Variants in GAGE13 observed in about 807,000 individuals in gnomAD.
The protein encoded by GAGE13 is G antigen 13.
At position 49,335,053 on chromosome X, in the gene GAGE13, A is replaced by T. The variant is rs1383200162; in HGVS notation, c.206-1194A>T. Among the ~76,000 whole-genome samples, 3 of 80,506 alleles carry T rather than the reference A, an allele frequency of 3.7e-5. No individual in the cohort carries two copies. In the East Asian group the frequency reaches 1.2e-3, roughly 31 times the overall value. The allele number at this position is 80,506 out of a possible 115,157, so 69.9% of individuals were successfully genotyped here. ...AGTACAATGAACTCATATACTGTTCATCTGGATTCACCAATTGTTAATAGC... is the reference window on the plus strand; with the variant it reads ...AGTACAATGAACTCATATACTGTTCTTCTGGATTCACCAATTGTTAATAGC... On this transcript the variant is annotated intron_variant, in intron 3 of 4. Transcript: ENST00000612958.
chrX:49,333,077 C>T (rs3971993), intron 2 of GAGE13, among the ~76,000 whole-genome samples: 731 of 72,881 alleles, frequency 0.01, 150 homozygotes, highest in Non-Finnish European at 0.016. Context: ...ACACAGAGTA[C>T]AATAGCCTCC....
intron 3 of GAGE13, among the ~76,000 whole-genome samples, chrX:49,334,907 A>AT (rs1274829955): frequency 2.6e-5 from 2 of 76,166 alleles, no homozygotes; most frequent in African/African-American, 3.9e-5. Context: ...GGATATCTGT[A>AT]TTTTTTACCA....
chrX:49,334,953 A>G (rs1251151845), intron 3 of GAGE13, among the ~76,000 whole-genome samples: 1 of 81,158 alleles, frequency 1.2e-5, no homozygotes, highest in East Asian at 3.6e-4. Flanking sequence ...AGTTCAGTGC[A>G]GTTATCATGT....
Position 49,335,523 on chromosome X carries a change from C to T in GAGE13, c.206-724C>T, listed in dbSNP as rs1287213519. 4.9e-5 allele frequency among the ~76,000 whole-genome samples: 5 copies of T among 102,990 alleles called. No homozygotes were observed. In the East Asian group the frequency reaches 9.3e-4, roughly 19 times the overall value. The allele number at this position is 102,990 out of a possible 115,157, so 89.4% of individuals were successfully genotyped here. A position where few individuals can be genotyped will look rare whatever the true frequency, so the allele number is the denominator to read the frequency against. On this transcript the variant is annotated intron_variant, in intron 3 of 4. Coordinates refer to ENST00000612958, the MANE Select transcript of GAGE13 (RefSeq NM_001098412.4). ...TAGGGATTCTCATGCCTCAGCCTCC[C>T]GTGTAGCTGGGACTACAGGCGCCGG...
intron 3 of GAGE13, among the ~76,000 whole-genome samples, chrX:49,335,301 A>G (rs1271795201): frequency 8.3e-4 from 87 of 105,449 alleles, no homozygotes; most frequent in African/African-American, 2.7e-3. Flanking sequence ...TCACTGCACA[A>G]AGATGAAAAT....
chrX:49,331,996 T>A (rs1220774321), intron 1 of GAGE13, among the ~76,000 whole-genome samples: 1 of 80,553 alleles, frequency 1.2e-5, no homozygotes, highest in Non-Finnish European at 3.2e-5. Flanking sequence ...CAGGGCAGAT[T>A]CCCTGAATGG....
intron 2 of GAGE13, among the ~76,000 whole-genome samples, 197 bp from the exon 3 acceptor site, chrX:49,333,090 A>T (rs2066472117): frequency 1.2e-5 from 1 of 84,321 alleles, no homozygotes; most frequent in African/African-American, 3.3e-5. Flanking sequence ...TAGCCTCCAA[A>T]GTCCTCGTGC....
intron 3 of GAGE13, among the ~76,000 whole-genome samples, chrX:49,335,298 A>G (rs1213725399): frequency 1.0e-4 from 11 of 105,549 alleles, no homozygotes; most frequent in Middle Eastern, 5.2e-3. Context: ...TCATCACTGC[A>G]CAAAGATGAA....
chrX:49,333,476 G>GTGTGTGTGTGTGCATT, intron 3 of GAGE13, 69 bp downstream of exon 3: 1 of 73,269 alleles, frequency 1.4e-5, no homozygotes, highest in Non-Finnish European at 1.9e-5. Context: ...GTGTGTGCAC[G>GTGTGTGTGTGTGCATT]TGTGTGTGTG....
chrX:49,335,177 A>G (rs1463071609), intron 3 of GAGE13, among the ~76,000 whole-genome samples: 2 of 107,148 alleles, frequency 1.9e-5, no homozygotes, highest in East Asian at 2.9e-4. Flanking sequence ...ATATATGTTT[A>G]CTGTTATTAA....
chrX:49,335,097 A>G (rs1425135975), intron 3 of GAGE13, among the ~76,000 whole-genome samples: 1 of 92,825 alleles, frequency 1.1e-5, no homozygotes, highest in Non-Finnish European at 2.2e-5. Flanking sequence ...CATCAGTTTC[A>G]CATCTCTTCC....
intron 3 of GAGE13, among the ~76,000 whole-genome samples, chrX:49,335,216 T>A (rs1445418167): frequency 9.4e-6 from 1 of 106,340 alleles, no homozygotes; most frequent in African/African-American, 3.4e-5. Flanking sequence ...AAGTTTCAGG[T>A]ATTATGGTCC....
At chrX:49,337,418 C>G (rs2066487612) in intron 4 of GAGE13, among the ~76,000 whole-genome samples, 1 of 10,173 alleles carries the variant, frequency 9.8e-5, no homozygotes, top group Non-Finnish European at 2.8e-4. Context: ...GACAGAGTCT[C>G]AGTGTGTCAC....
intron 1 of GAGE13, among the ~76,000 whole-genome samples, chrX:49,332,486 A>C (rs2066468090): frequency 8.9e-6 from 1 of 112,669 alleles, no homozygotes. Context: ...CGTGTCCAAA[A>C]GAAATTTAGA....
intron 3 of GAGE13, among the ~76,000 whole-genome samples, chrX:49,335,294 C>A (rs2066481165): frequency 9.5e-6 from 1 of 105,221 alleles, no homozygotes. Context: ...TGGATCATCA[C>A]TGCACAAAGA....
chrX:49,334,987 G>A (rs2066479163), intron 3 of GAGE13, among the ~76,000 whole-genome samples: 1 of 88,202 alleles, frequency 1.1e-5, no homozygotes, highest in South Asian at 6.4e-4. Context: ...TTTACTGTAT[G>A]TATCTTCAAG....
At position 49,331,635 on chromosome X, in the gene GAGE13, A is replaced by C. The variant is rs2066463462; in HGVS notation, c.-63A>C. ...GAAGAACGCCAGGGAGCTGTGAGGC[A>C]GTGCTGTGTGGTTCCTGCCGTCCGG... On this transcript the variant is annotated 5_prime_UTR_variant, in exon 1 of 5. Coordinates refer to ENST00000612958, the MANE Select transcript of GAGE13 (RefSeq NM_001098412.4). 3.3e-5 allele frequency: 2 copies of C among 59,794 alleles called. No homozygotes were observed. Among genetic ancestry groups the C allele is most frequent in the Admixed American group, 3.9e-4 (2 of 5,123 alleles). 4.9% of individuals were successfully genotyped at this position (59,794 alleles called of 1,213,427 possible).
intron 3 of GAGE13, among the ~76,000 whole-genome samples, chrX:49,335,141 A>C (rs1199761621): frequency 9.9e-4 from 1 of 1,014 alleles, no homozygotes; most frequent in African/African-American, 1.9e-3. Flanking sequence ...ACACACTCAC[A>C]CACACACACA....
At chrX:49,337,894 T>A (rs1263376041) in intron 4 of GAGE13, among the ~76,000 whole-genome samples, 1 of 20,980 alleles carries the variant, frequency 4.8e-5, no homozygotes, top group Non-Finnish European at 1.0e-4. Context: ...CATTGTTCAG[T>A]TCCCACCTAT....
Sources: gnomAD v4.1 joint callset for allele counts (sites outside exome capture counted in the v4.1 genomes callset) on GRCh38, gnomAD v4.1.1 for gene constraint, MANE v1.5 for transcripts, NCBI Gene and HGNC (gene_info 2026-07-23, HGNC 2026-07-21) for gene names.